STRN3: variants seen among roughly 807,000 people sequenced by gnomAD.
STRN3 encodes striatin 3.
STRN3 carries 29 observed loss-of-function variants against 95.6 expected under a neutral mutation model. That is an observed-to-expected ratio of 0.30 (90% CI 0.23 to 0.41). The LOEUF is 0.41. STRN3 is among the 10% of genes least tolerant of loss of function. The pLI is 1.00. For synonymous variants in STRN3, 331 were observed against 357.6 expected (o/e 0.93, Z 0.84); for missense variants, 890 against 972.1 (o/e 0.92, Z 1.12).
intron 3 of STRN3, among the ~76,000 whole-genome samples, chr14:30,954,163 T>A (rs1310357379): frequency 6.6e-6 from 1 of 152,222 alleles, no homozygotes; most frequent in Non-Finnish European, 1.5e-5. Context: ...ACATTTCATA[T>A]ATTTATTGGC....
chr14:30,895,870 T>A (rs568993517), intron 16 of STRN3, 122 bp from the exon 17 acceptor site: 2 of 784,780 alleles, frequency 2.5e-6, no homozygotes, highest in East Asian at 5.4e-5. Flanking sequence ...TGTGGTAAAA[T>A]ATACACAACA....
chr14:30,970,430 C>G (rs905330445), intron 1 of STRN3, among the ~76,000 whole-genome samples: 1 of 152,208 alleles, frequency 6.6e-6, no homozygotes, highest in Non-Finnish European at 1.5e-5. Flanking sequence ...TAAAACCATA[C>G]ATTCATTTTA....
intron 5 of STRN3, among the ~76,000 whole-genome samples, chr14:30,946,750 G>C (rs774263341): frequency 2.6e-5 from 4 of 152,180 alleles, no homozygotes; most frequent in Non-Finnish European, 5.9e-5. Context: ...GGCCAAGGCA[G>C]GTGGATCACC....
intron 8 of STRN3, among the ~76,000 whole-genome samples, chr14:30,923,091 G>T (rs1410698961): frequency 6.6e-6 from 1 of 152,134 alleles, no homozygotes; most frequent in Non-Finnish European, 1.5e-5. Flanking sequence ...TGGGCTCTTC[G>T]AATTAGTACT....
intron 1 of STRN3, among the ~76,000 whole-genome samples, chr14:31,020,641 G>A (rs903403926): frequency 6.6e-6 from 1 of 152,170 alleles, no homozygotes; most frequent in Non-Finnish European, 1.5e-5. Flanking sequence ...GATGGCTCAT[G>A]CCTGTAATCC....
At chr14:31,017,021 G>A (rs1273403444) in intron 1 of STRN3, among the ~76,000 whole-genome samples, 1 of 152,060 alleles carries the variant, frequency 6.6e-6, no homozygotes, top group African/African-American at 2.4e-5. Flanking sequence ...CAGGTGTGGT[G>A]GCGGGTGCCT....
At chr14:30,949,137 T>C (rs183140287) in intron 4 of STRN3, among the ~76,000 whole-genome samples, 60 of 152,346 alleles carry the variant, frequency 3.9e-4, no homozygotes, top group South Asian at 2.9e-3. Flanking sequence ...CAAGCTATCC[T>C]AGCTCTTCAC....
rs532283535 is a variant in STRN3, at chr14:31,020,511, AG to A, written c.282+5392del. On this transcript the variant is annotated intron_variant, in intron 1 of 17. Coordinates refer to ENST00000357479, the MANE Select transcript of STRN3 (RefSeq NM_001083893.2). ...GAAAACTGTCTCTAAAAAAAAAAAA[AG>A]AAAGTGCTCAATAAATATTAGGTAT... 3.7e-3 allele frequency among the ~76,000 whole-genome samples: 557 copies of A among 152,134 alleles called. 2 individuals are homozygous for A. Among genetic ancestry groups the A allele is most frequent in the African/African-American group, 0.013 (522 of 41,478 alleles).
At chr14:30,974,726 C>G (rs1419868560) in intron 1 of STRN3, among the ~76,000 whole-genome samples, 1 of 152,034 alleles carries the variant, frequency 6.6e-6, no homozygotes, top group Admixed American at 6.6e-5. Context: ...ATCACTTGAG[C>G]CTGGGGGGAG....
At chr14:30,957,861 G>C (rs1879997435) in intron 1 of STRN3, among the ~76,000 whole-genome samples, 1 of 152,142 alleles carries the variant, frequency 6.6e-6, no homozygotes, top group South Asian at 2.1e-4. Context: ...TGACACAGGT[G>C]CATTTGTTCA....
In STRN3 at chr14:30,895,206, T is replaced by C; in HGVS notation, c.*205A>G. The stretch of plus-strand genomic sequence containing the variant: ...CAGGCCACAAATACTGGAGTCCTTT[T>C]TTCTTTGTCCCACAAAATACAGTAA... On this transcript the variant is annotated 3_prime_UTR_variant, in exon 18 of 18. Coordinates refer to ENST00000357479, the MANE Select transcript of STRN3 (RefSeq NM_001083893.2). 1.7e-6 allele frequency: 1 copy of C among 582,622 alleles called. No individual in the cohort carries two copies. Among genetic ancestry groups the C allele is most frequent in the Non-Finnish European group, 2.9e-6 (1 of 348,534 alleles). The allele number at this position is 582,622 out of a possible 1,614,324, so 36.1% of individuals were successfully genotyped here. A position where few individuals can be genotyped will look rare whatever the true frequency, so the allele number is the denominator to read the frequency against.
chr14:30,947,023 T>A, intron 5 of STRN3, 67 bp downstream of exon 5: 3 of 1,151,934 alleles, frequency 2.6e-6, no homozygotes, highest in Non-Finnish European at 3.5e-6. Context: ...AACAAGGAGC[T>A]AAAGAGATTA....
intron 5 of STRN3, among the ~76,000 whole-genome samples, chr14:30,945,278 G>A (rs1469422249): frequency 6.6e-6 from 1 of 152,264 alleles, no homozygotes; most frequent in South Asian, 2.1e-4. Flanking sequence ...TTCTTCATTA[G>A]TCCAAAACTT....
intron 5 of STRN3, among the ~76,000 whole-genome samples, chr14:30,942,614 C>G (rs549498586): frequency 6.6e-6 from 1 of 152,256 alleles, no homozygotes; most frequent in South Asian, 2.1e-4. Context: ...TATTAAGAAA[C>G]AGCACAACTT....
At chr14:30,967,231 T>A in intron 1 of STRN3, among the ~76,000 whole-genome samples, 1 of 19,266 alleles carries the variant, frequency 5.2e-5, no homozygotes, top group Non-Finnish European at 9.7e-5. Context: ...AAAGAGAGGG[T>A]GGGGCAGGGT....
intron 1 of STRN3, among the ~76,000 whole-genome samples, chr14:30,960,400 G>A (rs1594499447): frequency 6.6e-6 from 1 of 152,130 alleles, no homozygotes; most frequent in Non-Finnish European, 1.5e-5. Flanking sequence ...CAGCAATTAA[G>A]ACACTGATGA....
intron 15 of STRN3, 42 bp downstream of exon 15, chr14:30,905,376 T>C (rs916060270): frequency 3.2e-6 from 5 of 1,548,712 alleles, no homozygotes; most frequent in African/African-American, 2.8e-5. Context: ...TATTGTGTAA[T>C]AACCCTTTTT....
chr14:30,935,329 A>AT (rs768810864), intron 6 of STRN3, 25 bp from the exon 7 acceptor site: 42 of 1,605,466 alleles, frequency 2.6e-5, no homozygotes, highest in Non-Finnish European at 3.4e-5. Context: ...TAAACCAAGA[A>AT]TTACTTTTAT....
Position 30,991,888 on chromosome 14 carries a change from C to A in STRN3, c.282+34016G>T, listed in dbSNP as rs1047299843. ...CATGCTTGTGGCCAGGAGTCCAAGA[C>A]CAGCCTAGTCAACATAGCAAGACCC... On this transcript the variant is annotated intron_variant, in intron 1 of 17. Transcript: ENST00000357479. Among the ~76,000 whole-genome samples, 19 of 149,824 alleles carry A rather than the reference C, an allele frequency of 1.3e-4. 1 individual carries two copies. Among genetic ancestry groups the A allele is most frequent in the African/African-American group, 4.4e-4 (18 of 40,734 alleles).
Sources: allele counts gnomAD v4.1 joint callset (sites outside exome capture counted in the v4.1 genomes callset), GRCh38; gene constraint gnomAD v4.1.1; transcripts MANE v1.5; gene names NCBI Gene and HGNC (gene_info 2026-07-23, HGNC 2026-07-21).